YIPF1: variants seen among roughly 807,000 people sequenced by gnomAD.
The protein encoded by YIPF1 is Yip1 domain family member 1.
In YIPF1, 22 loss-of-function variants were observed where a neutral mutation model predicts 37.0. The ratio of observed to expected loss-of-function variants is 0.59; its 90% CI spans 0.42 to 0.85. YIPF1 has a LOEUF of 0.85. Among genes scored for constraint, YIPF1 ranks in the 40% least tolerant of loss-of-function variants. YIPF1 has a pLI of 0.00. For missense variants in YIPF1, 355 were observed against 373.1 expected (o/e 0.95, Z 0.40); for synonymous variants, 128 against 131.9 (o/e 0.97, Z 0.21).
chr1:53,887,118 G>A (rs1650675460), intron 3 of YIPF1, among the ~76,000 whole-genome samples: 2 of 151,834 alleles, frequency 1.3e-5, no homozygotes, highest in South Asian at 2.1e-4. Flanking sequence ...ATGGAGTCTC[G>A]CTCTGTCGCC....
chr1:53,885,008 T>C (rs1650607259), intron 3 of YIPF1, among the ~76,000 whole-genome samples: 1 of 152,216 alleles, frequency 6.6e-6, no homozygotes, highest in Non-Finnish European at 1.5e-5. Context: ...GAAGCCTCAA[T>C]TGGCAATGTT....
rs753978320 is a variant in YIPF1, at chr1:53,870,160, C to CTTTTT, written c.481+1207_481+1211dup. Among the ~76,000 whole-genome samples, 587 of 91,102 alleles carry CTTTTT rather than the reference C, an allele frequency of 6.4e-3. 50 individuals carry two copies. The highest frequency in any genetic ancestry group is 0.012 in the South Asian group (32 of 2,652). 59.8% of individuals were successfully genotyped at this position (91,102 alleles called of 152,430 possible). On this transcript the variant is annotated intron_variant, in intron 7 of 10. Coordinates refer to ENST00000072644, the MANE Select transcript of YIPF1 (RefSeq NM_018982.5). ...AGGCTTGAGCCACCGCACCGGGTCTCTTTTTTTTTTTTTTTTTTTTTTTTT... is the reference window on the plus strand; with the variant it reads ...AGGCTTGAGCCACCGCACCGGGTCTCTTTTTTTTTTTTTTTTTTTTTTTTTTTTTT...
intron 10 of YIPF1, among the ~76,000 whole-genome samples, chr1:53,856,219 G>A (rs1241699147): frequency 6.6e-6 from 1 of 152,210 alleles, no homozygotes; most frequent in Non-Finnish European, 1.5e-5. Flanking sequence ...TGAGCAAAGC[G>A]CAGAGGCGTC....
At chr1:53,889,033 A>G (rs771779783) in intron 2 of YIPF1, 47 bp from the exon 3 acceptor site, 171 of 1,051,988 alleles carry the variant, frequency 1.6e-4, no homozygotes, top group Non-Finnish European at 2.3e-4. Flanking sequence ...AGTATAAAGT[A>G]TCTGCAAACA....
intron 9 of YIPF1, among the ~76,000 whole-genome samples, chr1:53,862,653 A>T: frequency 6.6e-6 from 1 of 152,120 alleles, no homozygotes; most frequent in East Asian, 1.9e-4. Flanking sequence ...TCCCCAGGGG[A>T]GAGTGAGGAA....
chr1:53,865,835 T>A (rs1650005245), intron 9 of YIPF1, among the ~76,000 whole-genome samples: 1 of 152,038 alleles, frequency 6.6e-6, no homozygotes. Flanking sequence ...CAGGCCGGAG[T>A]ACAGTGGTAT....
At chr1:53,859,939 C>A in intron 10 of YIPF1, 117 bp downstream of exon 10, 1 of 973,488 alleles carries the variant, frequency 1.0e-6, no homozygotes, top group Non-Finnish European at 1.5e-6. Flanking sequence ...CCACGCTGAA[C>A]TGTGCAGAAG....
chr1:53,867,531 T>C (rs6671310), intron 7 of YIPF1, among the ~76,000 whole-genome samples: 67,814 of 151,632 alleles, frequency 0.45, 16,297 homozygotes, highest in African/African-American at 0.64. Context: ...CGCCACCACA[T>C]CCGGCTAATT....
rs142159889 is a variant in YIPF1 at position 53,866,308 on chromosome 1, G to C, written c.723C>G (p.Leu241=). The change falls in exon 9 of 11, where the codon CTC becomes CTG. Residue 241 remains leucine, a synonymous_variant. Coordinates refer to ENST00000072644, the MANE Select transcript of YIPF1 (RefSeq NM_018982.5). ...CAGCTGGCCAAAATGTCATTGCCAA[G>C]AGAGATCCTGAGATGCCCAGGGCAA... is the stretch of plus-strand genomic sequence containing the variant. ...VMIALGISGS[L]LAMTFWPAVR... 348 of 1,614,066 alleles carry C rather than the reference G, an allele frequency of 2.2e-4. No individual in the cohort carries two copies. The highest frequency in any genetic ancestry group is 2.8e-4 in the Non-Finnish European group (335 of 1,180,042).
In YIPF1 at chr1:53,853,006, T is replaced by C. The variant is rs76900399; in HGVS notation, c.*9-736A>G. 6.7e-3 allele frequency among the ~76,000 whole-genome samples: 1,025 copies of C among 152,250 alleles called. 12 individuals carry two copies. Among genetic ancestry groups the C allele is most frequent in the African/African-American group, 0.024 (979 of 41,548 alleles). ...ACAGAGATGAAAAATACTTCAGAGA[T>C]AGAAAAGACAGGTCTTGCTGACTGA... On this transcript the variant is annotated intron_variant, in intron 10 of 10. Coordinates refer to ENST00000072644, the MANE Select transcript of YIPF1 (RefSeq NM_018982.5).
At chr1:53,866,629 C>T (rs896558343) in intron 8 of YIPF1, 129 bp downstream of exon 8, 10 of 1,260,756 alleles carry the variant, frequency 7.9e-6, no homozygotes, top group Admixed American at 2.7e-5. Context: ...CTTCTAACTT[C>T]AAAGGAGATT....
chr1:53,869,430 T>TA (rs1270091835), intron 7 of YIPF1, among the ~76,000 whole-genome samples: 2 of 152,196 alleles, frequency 1.3e-5, no homozygotes, highest in South Asian at 2.1e-4. Flanking sequence ...TCTTTATTCT[T>TA]ACAATAGTCC....
chr1:53,854,201 G>C (rs1013838549), intron 10 of YIPF1, among the ~76,000 whole-genome samples: 2 of 152,010 alleles, frequency 1.3e-5, no homozygotes, highest in African/African-American at 4.8e-5. Flanking sequence ...GCAATGAGCC[G>C]AGATTGCACC....
intron 7 of YIPF1, among the ~76,000 whole-genome samples, chr1:53,871,107 G>T (rs1176300551): frequency 2.0e-5 from 3 of 150,236 alleles, no homozygotes; most frequent in Non-Finnish European, 4.4e-5. Flanking sequence ...TCATAACATT[G>T]TGAATGTACT....
intron 10 of YIPF1, among the ~76,000 whole-genome samples, chr1:53,857,056 G>T (rs944273209): frequency 1.3e-5 from 2 of 152,166 alleles, no homozygotes; most frequent in African/African-American, 4.8e-5. Context: ...ATACAGAGAG[G>T]CCCACGTGGC....
At position 53,871,339 on chromosome 1, in the gene YIPF1, C is replaced by T. The variant is rs549345158; in HGVS notation, c.481+33G>A. ...AAAAGAACTCAAAGCTAGAAACTGA[C>T]AGCATTCCAAATGAGTCAAGCTATT... On this transcript the variant is annotated intron_variant, in intron 7 of 10. Transcript: ENST00000072644. 5.1e-5 allele frequency: 81 copies of T among 1,582,096 alleles called. No homozygotes were observed. The East Asian group carries it at 1.0e-3, about 20-fold the overall frequency.
intron 3 of YIPF1, among the ~76,000 whole-genome samples, chr1:53,884,476 G>A (rs1650588057): frequency 6.6e-6 from 1 of 152,072 alleles, no homozygotes; most frequent in South Asian, 2.1e-4. Context: ...TAAAATTGGG[G>A]ATTATACACA....
rs1452863338 is a variant in YIPF1, at chr1:53,883,227, T to C, written c.81A>G (p.Thr27=). Residue 27 remains threonine (T), a synonymous_variant, in exon 4 of 11, where the codon ACA becomes ACG. Transcript: ENST00000072644. ...TTTCACCAGGATCCTCAATGTTTAC[T>C]GTGGTGGCATCTGGGTTTGCTGTCA... ...TSLTANPDAT[T]VNIEDPGETP... is the part of the protein sequence containing the mutation. 2 of 1,593,230 alleles carry C rather than the reference T, an allele frequency of 1.3e-6. No homozygotes were observed. The highest frequency in any genetic ancestry group is 1.1e-5 in the South Asian group (1 of 87,090).
intron 10 of YIPF1, among the ~76,000 whole-genome samples, chr1:53,852,782 CA>C (rs10708560): frequency 0.4 from 57,127 of 144,622 alleles, 10,903 homozygotes; most frequent in East Asian, 0.57. Context: ...AATAGGGGGC[CA>C]AAAAAAAAAA....
Sources: allele counts gnomAD v4.1 joint callset (sites outside exome capture counted in the v4.1 genomes callset), GRCh38; gene constraint gnomAD v4.1.1; transcripts MANE v1.5; gene names NCBI Gene and HGNC (gene_info 2026-07-23, HGNC 2026-07-21).